The following TLK1 variants were observed in gnomAD, a reference collection of about 807,000 sequenced individuals.
TLK1 encodes the protein tousled like kinase 1.
TLK1 carries 24 observed loss-of-function variants against 105.3 expected under a neutral mutation model. The observed-to-expected ratio is 0.23, with a 90% confidence interval of 0.17 to 0.32. TLK1 has a LOEUF of 0.32. TLK1 is among the 10% of genes least tolerant of loss of function. The pLI, the probability that TLK1 is intolerant of heterozygous loss-of-function variation, is 1.00. For missense variants in TLK1, 558 were observed against 910.5 expected, an observed-to-expected ratio of 0.61 and a Z score of 4.98; for synonymous variants, 321 against 310.4, an observed-to-expected ratio of 1.03 and a Z score of -0.36.
chr2:171,087,175 T>G (rs937681665), intron 2 of TLK1, among the ~76,000 whole-genome samples: 2 of 152,060 alleles, frequency 1.3e-5, no homozygotes, highest in African/African-American at 4.8e-5. Flanking sequence ...TGACCCATAC[T>G]CAAGAGGAAA....
intron 2 of TLK1, among the ~76,000 whole-genome samples, chr2:171,083,919 A>G (rs2105478914): frequency 6.6e-6 from 1 of 152,348 alleles, no homozygotes; most frequent in East Asian, 1.9e-4. Context: ...GCAATTAAGA[A>G]GTAATACATT....
chr2:171,169,347 G>A (rs1025746851), intron 1 of TLK1, among the ~76,000 whole-genome samples: 3 of 151,936 alleles, frequency 2.0e-5, no homozygotes, highest in Admixed American at 6.5e-5. Context: ...ATAACCAAAA[G>A]CAATAGTTTG....
rs71013019 is a variant in TLK1 at position 171,187,057 on chromosome 2, CAAAAAAAAAAAAA to C, written c.-6+44075_-6+44087del. On this transcript the variant is annotated intron_variant, in intron 1 of 20. Transcript: ENST00000521943. Reference sequence around the variant, plus strand: ...TGGGTGACAGGGTGAGACTCTGTCTCAAAAAAAAAAAAAAAAAAAAAAAAAAGAAAAAGAAAAA... The same window carrying C: ...TGGGTGACAGGGTGAGACTCTGTCTCAAAAAAAAAAAAAGAAAAAGAAAAA... Among the ~76,000 whole-genome samples, 37 of 34,062 alleles carry C rather than the reference CAAAAAAAAAAAAA, an allele frequency of 1.1e-3. No homozygotes were observed. The East Asian group carries it at 0.03, about 28-fold the overall frequency. 22.3% of individuals were successfully genotyped at this position (34,062 alleles called of 152,430 possible).
At chr2:171,142,115 T>G (rs1245187591) in intron 1 of TLK1, among the ~76,000 whole-genome samples, 1 of 151,166 alleles carries the variant, frequency 6.6e-6, no homozygotes, top group Non-Finnish European at 1.5e-5. Context: ...AGGCATATTG[T>G]AATCTCTAGG....
chr2:171,184,598 C>T (rs998872565), intron 1 of TLK1, among the ~76,000 whole-genome samples: 17 of 147,790 alleles, frequency 1.2e-4, no homozygotes, highest in African/African-American at 3.3e-4. Context: ...GCAGAGATCA[C>T]GCCATTGCAC....
chr2:171,051,504 A>G (rs765338758), intron 8 of TLK1, among the ~76,000 whole-genome samples: 1 of 152,144 alleles, frequency 6.6e-6, no homozygotes, highest in Non-Finnish European at 1.5e-5. Flanking sequence ...GAACACAGAT[A>G]TAATTGTGAC....
chr2:171,200,520 AT>A (rs1471839360), intron 1 of TLK1, among the ~76,000 whole-genome samples: 5 of 152,214 alleles, frequency 3.3e-5, no homozygotes, highest in African/African-American at 1.2e-4. Context: ...GGAATTTAAA[AT>A]TCAGGCAAGC....
chr2:171,089,512 C>T (rs2105487217), intron 2 of TLK1, among the ~76,000 whole-genome samples: 1 of 152,290 alleles, frequency 6.6e-6, no homozygotes, highest in Admixed American at 6.5e-5. Flanking sequence ...TGATACAGCA[C>T]ATCTATTTTA....
At chr2:171,000,624 G>C (rs1370954961) in intron 18 of TLK1, among the ~76,000 whole-genome samples, 1 of 152,124 alleles carries the variant, frequency 6.6e-6, no homozygotes, top group South Asian at 2.1e-4. Context: ...TGAGTAGACT[G>C]AGGAGGGGTT....
intron 8 of TLK1, among the ~76,000 whole-genome samples, chr2:171,052,930 A>G (rs890517511): frequency 2.0e-5 from 3 of 152,226 alleles, no homozygotes; most frequent in Non-Finnish European, 4.4e-5. Context: ...CCAATGTCCA[A>G]GACCTACATC....
intron 1 of TLK1, among the ~76,000 whole-genome samples, chr2:171,157,615 T>C (rs940142023): frequency 3.9e-5 from 6 of 152,194 alleles, no homozygotes; most frequent in African/African-American, 1.4e-4. Flanking sequence ...AATATGATAA[T>C]GGTAATAAGG....
chr2:171,143,981 C>G (rs985057266), intron 1 of TLK1, among the ~76,000 whole-genome samples: 1 of 151,970 alleles, frequency 6.6e-6, no homozygotes, highest in Non-Finnish European at 1.5e-5. Flanking sequence ...ACAAACGGGA[C>G]AGGATAAGAG....
intron 2 of TLK1, among the ~76,000 whole-genome samples, chr2:171,113,247 T>C (rs1023865024): frequency 1.3e-5 from 2 of 151,480 alleles, no homozygotes; most frequent in Non-Finnish European, 2.9e-5. Context: ...ACATACTATA[T>C]ATACATGGCA....
intron 12 of TLK1, among the ~76,000 whole-genome samples, chr2:171,026,843 G>C (rs1266042021): frequency 1.3e-5 from 2 of 151,982 alleles, no homozygotes. Flanking sequence ...TAGTTATATA[G>C]CTCCATCTAT....
chr2:171,067,054 C>T (rs1688031031), intron 3 of TLK1: 2 of 1,367,496 alleles, frequency 1.5e-6, no homozygotes, highest in African/African-American at 1.5e-5. Flanking sequence ...TGTATCATAC[C>T]CCTACAAACA....
intron 1 of TLK1, among the ~76,000 whole-genome samples, chr2:171,132,521 A>G (rs1026606189): frequency 1.3e-5 from 2 of 152,258 alleles, no homozygotes; most frequent in Admixed American, 1.3e-4. Context: ...TAATGTTAGT[A>G]CTCTAATAAT....
intron 11 of TLK1, among the ~76,000 whole-genome samples, chr2:171,043,961 A>T (rs1040000647): frequency 6.6e-6 from 1 of 152,232 alleles, no homozygotes; most frequent in Non-Finnish European, 1.5e-5. Flanking sequence ...TTACTAACTT[A>T]CAAAAAGTAC....
intron 1 of TLK1, among the ~76,000 whole-genome samples, chr2:171,204,848 C>T (rs1693472206): frequency 6.6e-6 from 1 of 151,894 alleles, no homozygotes; most frequent in African/African-American, 2.4e-5. Context: ...ATCCCAGCTA[C>T]TCGGGAGGCT....
chr2:171,014,794 TG>T, intron 13 of TLK1, 56 bp downstream of exon 13: 1 of 1,247,140 alleles, frequency 8.0e-7, no homozygotes, highest in Admixed American at 1.7e-5. Context: ...TTATGCTCTA[TG>T]GGGGGCGGGG....
Sources: allele counts gnomAD v4.1 joint callset (sites outside exome capture counted in the v4.1 genomes callset), GRCh38; gene constraint gnomAD v4.1.1; transcripts MANE v1.5; gene names NCBI Gene and HGNC (gene_info 2026-07-23, HGNC 2026-07-21).